Variants in EXOC6B observed in about 807,000 individuals in gnomAD.
EXOC6B encodes exocyst complex component 6B.
Under a neutral mutation model 113.5 loss-of-function variants are expected in EXOC6B, and 54 were observed. That is an observed-to-expected ratio of 0.48 (90% CI 0.38 to 0.60). The LOEUF is 0.60. EXOC6B is among the 20% of genes least tolerant of loss of function. The pLI is 0.00. For synonymous variants in EXOC6B, 357 were observed against 339.0 expected (o/e 1.05, Z -0.58); for missense variants, 797 against 977.5 (o/e 0.82, Z 2.46).
At chr2:72,360,313 C>G (rs1481929222) in intron 19 of EXOC6B, among the ~76,000 whole-genome samples, 2 of 152,062 alleles carry the variant, frequency 1.3e-5, no homozygotes, top group African/African-American at 4.8e-5. Flanking sequence ...GTCTTAAACT[C>G]CTGAGCTCAA....
intron 18 of EXOC6B, among the ~76,000 whole-genome samples, chr2:72,454,963 G>A (rs573308462): frequency 4.6e-5 from 7 of 152,006 alleles, no homozygotes; most frequent in South Asian, 4.2e-4. Context: ...CTCAAATAAC[G>A]TAACTGTTAA....
chr2:72,521,456 G>A (rs931250401), intron 8 of EXOC6B, among the ~76,000 whole-genome samples: 4 of 152,098 alleles, frequency 2.6e-5, no homozygotes, highest in African/African-American at 9.7e-5. Context: ...GGCATACAGT[G>A]GGAAAGGTAA....
chr2:72,457,800 T>C (rs746464363), intron 18 of EXOC6B, among the ~76,000 whole-genome samples: 14 of 152,272 alleles, frequency 9.2e-5, no homozygotes, highest in Middle Eastern at 3.4e-3. Flanking sequence ...TAATCATTTC[T>C]GGGTGCCTCA....
chr2:72,646,365 C>A (rs546657993), intron 6 of EXOC6B, among the ~76,000 whole-genome samples: 3 of 152,150 alleles, frequency 2.0e-5, no homozygotes, highest in African/African-American at 4.8e-5. Context: ...ACCAGAGGTA[C>A]AAAGAGGAGA....
At chr2:72,331,675 A>G (rs1430016334) in intron 20 of EXOC6B, among the ~76,000 whole-genome samples, 1 of 152,136 alleles carries the variant, frequency 6.6e-6, no homozygotes, top group Non-Finnish European at 1.5e-5. Flanking sequence ...TTTGATTTGT[A>G]CTATCTAATT....
chr2:72,566,356 G>T (rs552629370), intron 7 of EXOC6B, among the ~76,000 whole-genome samples: 1 of 152,074 alleles, frequency 6.6e-6, no homozygotes, highest in East Asian at 1.9e-4. Flanking sequence ...TCATGCATCT[G>T]CCGTTTATTC....
intron 6 of EXOC6B, among the ~76,000 whole-genome samples, chr2:72,686,023 T>C (rs1677063416): frequency 1.3e-5 from 2 of 152,242 alleles, no homozygotes; most frequent in Admixed American, 6.5e-5. Context: ...ACATCAACCA[T>C]TGACTGACTT....
chr2:72,272,936 TC>T (rs1189964174), intron 20 of EXOC6B, among the ~76,000 whole-genome samples: 1 of 152,140 alleles, frequency 6.6e-6, no homozygotes, highest in Non-Finnish European at 1.5e-5. Context: ...GGAAAAGTGT[TC>T]ATTTTCTGAG....
chr2:72,587,180 G>A (rs1705644110), intron 6 of EXOC6B, among the ~76,000 whole-genome samples: 1 of 151,928 alleles, frequency 6.6e-6, no homozygotes, highest in Admixed American at 6.6e-5. Context: ...CATCAATGGT[G>A]GACTGGATAA....
Position 72,811,090 on chromosome 2 carries a change from T to C in EXOC6B, c.113+14708A>G, listed in dbSNP as rs573313389. Among the ~76,000 whole-genome samples the C allele has an allele frequency of 9.2e-5, 14 of 151,554 alleles. No individual in the cohort carries two copies. The East Asian group carries it at 2.1e-3, about 23-fold the overall frequency. On this transcript the variant is annotated intron_variant, in intron 1 of 21. Coordinates refer to ENST00000272427, the MANE Select transcript of EXOC6B (RefSeq NM_015189.3). ...GCTCAGGCCTGTAATCCCAGCACTT[T>C]GGGAGTCCGAAGTGGGAGGATCACT...
chr2:72,644,826 G>A lies in EXOC6B; in HGVS notation c.670-69158C>T, dbSNP rs979779941. ...AAAGGAACGACCGGTACCAGTCACT[G>A]CAAAAACATGCCAAATTGTAAAGAA... On this transcript the variant is annotated intron_variant, in intron 6 of 21. Coordinates refer to ENST00000272427, the MANE Select transcript of EXOC6B (RefSeq NM_015189.3). Among the ~76,000 whole-genome samples, 5 of 152,286 alleles carry A rather than the reference G, an allele frequency of 3.3e-5. No individual in the cohort carries two copies. The South Asian group carries it at 6.2e-4, about 19-fold the overall frequency.
At chr2:72,760,784 T>C (rs1221019356) in intron 1 of EXOC6B, among the ~76,000 whole-genome samples, 1 of 152,184 alleles carries the variant, frequency 6.6e-6, no homozygotes, top group African/African-American at 2.4e-5. Context: ...AAGAGACATC[T>C]TTCTGAAAAG....
At chr2:72,580,065 A>AAAC (rs1049931087) in intron 6 of EXOC6B, among the ~76,000 whole-genome samples, 11 of 151,860 alleles carry the variant, frequency 7.2e-5, no homozygotes, top group African/African-American at 1.9e-4. Context: ...TAAAACAAAC[A>AAAC]AACAACAACA....
chr2:72,765,557 C>T (rs1683008020), intron 1 of EXOC6B, among the ~76,000 whole-genome samples: 1 of 152,130 alleles, frequency 6.6e-6, no homozygotes, highest in South Asian at 2.1e-4. Flanking sequence ...CCTATAATCC[C>T]AGCTACTGGG....
chr2:72,559,808 T>C (rs939675157), intron 7 of EXOC6B, among the ~76,000 whole-genome samples: 5 of 152,178 alleles, frequency 3.3e-5, no homozygotes, highest in African/African-American at 1.2e-4. Flanking sequence ...TTTAGAGATA[T>C]ATCTTTGACC....
intron 1 of EXOC6B, among the ~76,000 whole-genome samples, chr2:72,812,176 G>T (rs1280146627): frequency 1.3e-5 from 2 of 152,084 alleles, no homozygotes; most frequent in Non-Finnish European, 2.9e-5. Context: ...AATGAGTCCA[G>T]CAAGATCACA....
chr2:72,642,467 A>C (rs899905094), intron 6 of EXOC6B, among the ~76,000 whole-genome samples: 1 of 146,984 alleles, frequency 6.8e-6, no homozygotes, highest in Non-Finnish European at 1.5e-5. Context: ...CCACATATCT[A>C]CAACTATCTG....
At chr2:72,358,490 C>T (rs1262104891) in intron 19 of EXOC6B, among the ~76,000 whole-genome samples, 2 of 152,108 alleles carry the variant, frequency 1.3e-5, no homozygotes, top group Non-Finnish European at 2.9e-5. Context: ...CTAACAATTA[C>T]TGAGCATTTA....
At chr2:72,547,665 T>A (rs558033493) in intron 8 of EXOC6B, among the ~76,000 whole-genome samples, 2 of 152,148 alleles carry the variant, frequency 1.3e-5, no homozygotes, top group African/African-American at 2.4e-5. Flanking sequence ...GATGTTTCAT[T>A]GTATAAAGGA....
Sources: allele counts gnomAD v4.1 joint callset (sites outside exome capture counted in the v4.1 genomes callset), GRCh38; gene constraint gnomAD v4.1.1; transcripts MANE v1.5; gene names NCBI Gene and HGNC (gene_info 2026-07-23, HGNC 2026-07-21).